SCLT1: variants seen among roughly 807,000 people sequenced by gnomAD.
The protein encoded by SCLT1 is sodium channel-associated protein 1.
SCLT1 carries 78 observed loss-of-function variants against 112.8 expected under a neutral mutation model. That is an observed-to-expected ratio of 0.69 (90% CI 0.58 to 0.83). The LOEUF is 0.83. Ranked by LOEUF, SCLT1 falls within the 40% of genes least tolerant of loss-of-function variation. The pLI, the probability that SCLT1 is intolerant of heterozygous loss-of-function variation, is 0.00. For missense variants in SCLT1, 747 were observed against 770.4 expected (o/e 0.97, Z 0.36); for synonymous variants, 257 against 254.7 (o/e 1.01, Z -0.09).
chr4:128,981,492 C>T (rs1292724578), intron 9 of SCLT1, among the ~76,000 whole-genome samples: 3 of 152,030 alleles, frequency 2.0e-5, no homozygotes, highest in South Asian at 4.2e-4. Context: ...GATGTCTTTC[C>T]AGGTTTTTGC....
At chr4:129,049,455 A>T (rs1417718404) in intron 2 of SCLT1, among the ~76,000 whole-genome samples, 1 of 128,622 alleles carries the variant, frequency 7.8e-6, no homozygotes, top group Non-Finnish European at 1.6e-5. Flanking sequence ...CAGGAAGGGG[A>T]ACATCACACT....
intron 9 of SCLT1, among the ~76,000 whole-genome samples, chr4:128,988,555 CAGAA>C (rs1242121639): frequency 6.6e-6 from 1 of 151,444 alleles, no homozygotes; most frequent in African/African-American, 2.4e-5. Flanking sequence ...CAAAGGAAGA[CAGAA>C]AGGAAGGAAG....
chr4:129,020,440 G>A (rs1745364560), intron 5 of SCLT1, among the ~76,000 whole-genome samples: 1 of 152,216 alleles, frequency 6.6e-6, no homozygotes, highest in African/African-American at 2.4e-5. Flanking sequence ...TTTTCTGAGG[G>A]CAGTCCTATC....
chr4:128,965,998 ATTT>A (rs1344326638), intron 10 of SCLT1, among the ~76,000 whole-genome samples: 1 of 151,382 alleles, frequency 6.6e-6, no homozygotes, highest in South Asian at 2.1e-4. Flanking sequence ...TGCTCAGCAA[ATTT>A]TTTTATTTTT....
intron 5 of SCLT1, among the ~76,000 whole-genome samples, chr4:129,008,010 T>C (rs1744182539): frequency 6.6e-6 from 1 of 152,190 alleles, no homozygotes; most frequent in South Asian, 2.1e-4. Flanking sequence ...TGTAAGCACC[T>C]GAGACTATCT....
chr4:129,009,791 T>C (rs2126101347), intron 5 of SCLT1, among the ~76,000 whole-genome samples: 1 of 152,336 alleles, frequency 6.6e-6, no homozygotes, highest in African/African-American at 2.4e-5. Flanking sequence ...TTGCCCATTT[T>C]TCAATAAGGT....
downstream of SCLT1, among the ~76,000 whole-genome samples, chr4:128,879,953 G>A (rs1426216373): frequency 6.6e-6 from 1 of 152,046 alleles, no homozygotes; most frequent in African/African-American, 2.4e-5. Context: ...AACATTGAAC[G>A]AAAACTTCCA....
rs560936742 is a variant in SCLT1, at chr4:128,964,557, C to G, written c.869+670G>C. ...ATTACGCCCAAGATGCAAAAAGAATCTACATTTAGCTCTTGAAGCTAATCC... is the reference window on the plus strand; with the variant it reads ...ATTACGCCCAAGATGCAAAAAGAATGTACATTTAGCTCTTGAAGCTAATCC... On this transcript the variant is annotated intron_variant, in intron 11 of 20. Coordinates refer to ENST00000281142, the MANE Select transcript of SCLT1 (RefSeq NM_144643.4). 3.3e-5 allele frequency among the ~76,000 whole-genome samples: 5 copies of G among 152,312 alleles called. No homozygotes were observed. In the South Asian group the frequency reaches 1.0e-3, roughly 32 times the overall value.
intron 5 of SCLT1, among the ~76,000 whole-genome samples, chr4:129,034,570 C>CTATATATA (rs71589021): frequency 7.0e-6 from 1 of 143,870 alleles, no homozygotes; most frequent in Non-Finnish European, 1.5e-5. Context: ...TGTTCTAAAG[C>CTATATATA]TATATATATA....
Position 128,992,257 on chromosome 4 carries a change from G to C in SCLT1, c.616-20C>G. The C allele has an allele frequency of 6.8e-7, 1 of 1,477,460 alleles. No homozygotes were observed. Among genetic ancestry groups the C allele is most frequent in the Non-Finnish European group, 9.4e-7 (1 of 1,067,480 alleles). The allele number at this position is 1,477,460 out of a possible 1,614,324, so 91.5% of individuals were successfully genotyped here. The stretch of plus-strand genomic sequence containing the variant: ...GTTAGTCTGCCACAAGAAAAAAAAA[G>C]AATCAGTATTAGAATATTTAATAAC... On this transcript the variant is annotated intron_variant, in intron 8 of 20. Coordinates refer to ENST00000281142, the MANE Select transcript of SCLT1 (RefSeq NM_144643.4).
chr4:129,021,657 TAAC>T (rs1225561946), intron 5 of SCLT1, among the ~76,000 whole-genome samples: 2 of 152,184 alleles, frequency 1.3e-5, no homozygotes, highest in East Asian at 3.9e-4. Flanking sequence ...GAAAGAAAGT[TAAC>T]AGCCCCAGTT....
At chr4:128,997,963 T>A (rs1743150275) in intron 7 of SCLT1, 24 bp from the exon 8 acceptor site, 5 of 1,266,206 alleles carry the variant, frequency 3.9e-6, no homozygotes, top group Non-Finnish European at 5.3e-6. Flanking sequence ...GTAAGGGGAG[T>A]ATATAAATAG....
chr4:128,883,154 C>CAAAAA (rs1412985271), downstream of SCLT1, among the ~76,000 whole-genome samples: 15 of 37,506 alleles, frequency 4.0e-4, no homozygotes, highest in East Asian at 1.2e-3. Context: ...ACAACAACAA[C>CAAAAA]AACAAAAAAA....
chr4:128,960,780 C>CG, intron 11 of SCLT1, among the ~76,000 whole-genome samples: 1 of 150,766 alleles, frequency 6.6e-6, no homozygotes, highest in Non-Finnish European at 1.5e-5. Flanking sequence ...ATTAGCCGGG[C>CG]TCGGTGGCGG....
At chr4:128,873,273 G>GAAAAAAA (rs1553953485) in intron 5 of SCLT1, 1 of 78,658 alleles carries the variant, frequency 1.3e-5, no homozygotes, top group African/African-American at 4.7e-5. Flanking sequence ...AAAAAAAAAA[G>GAAAAAAA]AAAAAAAGAA....
intron 10 of SCLT1, 76 bp from the exon 11 acceptor site, chr4:128,965,394 C>T (rs1023470115): frequency 2.3e-6 from 2 of 871,796 alleles, no homozygotes; most frequent in Non-Finnish European, 3.8e-6. Flanking sequence ...ATAAAGAAAA[C>T]AGCTCATGCT....
At chr4:128,896,102 C>A (rs1279098734) in intron 18 of SCLT1, among the ~76,000 whole-genome samples, 9 of 70,440 alleles carry the variant, frequency 1.3e-4, no homozygotes, top group African/African-American at 5.1e-4. Context: ...GTAGGCTCCA[C>A]CTCTGGGGGC....
rs568643471 is a variant in SCLT1, at chr4:129,040,803, A to T, written c.235-1707T>A. On this transcript the variant is annotated intron_variant, in intron 4 of 20. Transcript: ENST00000281142. Reference sequence around the variant, plus strand: ...TAAGTCATAAGAACTAATCCTTCTAATCAATCACATCTATCTGAGCAACCA... The same window carrying T: ...TAAGTCATAAGAACTAATCCTTCTATTCAATCACATCTATCTGAGCAACCA... Among the ~76,000 whole-genome samples the T allele has an allele frequency of 1.0e-3, 157 of 152,248 alleles. 3 individuals carry two copies. The highest frequency in any genetic ancestry group is 3.1e-4 in the Non-Finnish European group (21 of 68,022).
rs1018324474 is a variant in SCLT1 at position 128,912,151 on chromosome 4, AC to A, written c.1830-21015del. Among the ~76,000 whole-genome samples, 5 of 152,334 alleles carry A rather than the reference AC, an allele frequency of 3.3e-5. No individual in the cohort carries two copies. The East Asian group carries it at 9.7e-4, about 29-fold the overall frequency. On this transcript the variant is annotated intron_variant, in intron 18 of 20. Transcript: ENST00000281142. ...TTACACGGAGAGTCAAATGCATCAA[AC>A]AAGCCATTTACTTTTAAAATGCTCT...
Sources: gnomAD v4.1 joint callset for allele counts (sites outside exome capture counted in the v4.1 genomes callset) on GRCh38, gnomAD v4.1.1 for gene constraint, MANE v1.5 for transcripts, NCBI Gene and HGNC (gene_info 2026-07-23, HGNC 2026-07-21) for gene names.